DTWD2: variants seen among roughly 807,000 people sequenced by gnomAD.
The protein encoded by DTWD2 is tRNA-uridine aminocarboxypropyltransferase 2.
DTWD2 carries 39 observed loss-of-function variants against 31.8 expected under a neutral mutation model. The observed-to-expected ratio is 1.22, with a 90% confidence interval of 0.95 to 1.60. The LOEUF is 1.60. Ranked by LOEUF, DTWD2 falls within the 40% of genes most tolerant of loss-of-function variation. The pLI is 0.00. For missense variants in DTWD2, 515 were observed against 381.5 expected, an observed-to-expected ratio of 1.35 and a Z score of -2.92; for synonymous variants, 180 against 142.8, an observed-to-expected ratio of 1.26 and a Z score of -1.86.
intron 1 of DTWD2, chr5:118,974,110 C>G (rs551872467): frequency 8.2e-6 from 13 of 1,589,764 alleles, no homozygotes; most frequent in African/African-American, 1.3e-5. Flanking sequence ...AGCAGAAGAC[C>G]GACGAGGATG....
chr5:118,926,990 C>T (rs1442318772), intron 4 of DTWD2, among the ~76,000 whole-genome samples: 7 of 152,206 alleles, frequency 4.6e-5, no homozygotes, highest in Admixed American at 4.6e-4. Context: ...TGCATGGTCA[C>T]GGTCCTGGTG....
At chr5:118,948,589 G>GGTCAGGT (rs1754391480) in intron 1 of DTWD2, among the ~76,000 whole-genome samples, 1 of 152,174 alleles carries the variant, frequency 6.6e-6, no homozygotes, top group Admixed American at 6.5e-5. Context: ...CGGTCATGGG[G>GGTCAGGT]GTCAGGTGTG....
chr5:118,865,404 T>C (rs1394474403), intron 4 of DTWD2, among the ~76,000 whole-genome samples: 3 of 152,116 alleles, frequency 2.0e-5, no homozygotes, highest in Admixed American at 6.6e-5. Context: ...CTTCAGTTCG[T>C]TCCTAAATAT....
At chr5:118,846,636 T>C (rs1751858821) in intron 5 of DTWD2, among the ~76,000 whole-genome samples, 1 of 152,124 alleles carries the variant, frequency 6.6e-6, no homozygotes. Context: ...GGTTACATAA[T>C]TCTATTAAGA....
intron 1 of DTWD2, among the ~76,000 whole-genome samples, chr5:118,967,197 C>A (rs946648575): frequency 1.3e-5 from 2 of 151,908 alleles, no homozygotes; most frequent in Non-Finnish European, 2.9e-5. Context: ...AAGAAATAAA[C>A]TACAATTAGA....
chr5:118,891,181 G>T (rs1752970832), intron 4 of DTWD2, among the ~76,000 whole-genome samples: 1 of 150,866 alleles, frequency 6.6e-6, no homozygotes, highest in African/African-American at 2.4e-5. Context: ...AAATCCATAA[G>T]AAAATTATCC....
At chr5:118,974,847 TG>T (rs1755111306) in intron 1 of DTWD2, among the ~76,000 whole-genome samples, 1 of 152,238 alleles carries the variant, frequency 6.6e-6, no homozygotes, top group Admixed American at 6.5e-5. Context: ...TGTTGAATAT[TG>T]GCCCCCACTC....
chr5:118,920,403 A>G (rs2149574960), intron 4 of DTWD2, among the ~76,000 whole-genome samples: 1 of 152,224 alleles, frequency 6.6e-6, no homozygotes, highest in East Asian at 1.9e-4. Context: ...TTGGAAGCAA[A>G]CACAACGTAC....
chr5:118,935,175 G>C (rs997030029), intron 3 of DTWD2, among the ~76,000 whole-genome samples: 2 of 152,184 alleles, frequency 1.3e-5, no homozygotes, highest in Non-Finnish European at 2.9e-5. Context: ...CTGGAGGGTA[G>C]TGCACCAGGG....
chr5:118,954,421 T>C (rs1754539434), intron 1 of DTWD2, among the ~76,000 whole-genome samples: 1 of 152,232 alleles, frequency 6.6e-6, no homozygotes, highest in Admixed American at 6.5e-5. Context: ...AAATGTAAGC[T>C]ACAGGGAGGC....
intron 1 of DTWD2, among the ~76,000 whole-genome samples, chr5:118,975,099 G>A (rs1194357329): frequency 1.3e-5 from 2 of 152,274 alleles, no homozygotes; most frequent in South Asian, 4.1e-4. Context: ...AGTTCTCCTG[G>A]ATAATATCCT....
chr5:118,842,518 T>A (rs113075860), intron 5 of DTWD2, among the ~76,000 whole-genome samples: 2,491 of 152,270 alleles, frequency 0.016, 22 homozygotes, highest in Non-Finnish European at 0.026. Flanking sequence ...TGTCCCTGAA[T>A]TCTTTTTCAA....
chr5:118,845,038 T>C lies in DTWD2; in HGVS notation c.726+3052A>G, dbSNP rs553695632. ...GGTATGCACCTGTAGTCCCAGCTAC[T>C]TGGGAGGCTGAGGTGGGAGGATCAC... is the stretch of plus-strand genomic sequence containing the variant. On this transcript the variant is annotated intron_variant, in intron 5 of 5. Transcript: ENST00000510708. Among the ~76,000 whole-genome samples the C allele has an allele frequency of 2.6e-5, 4 of 152,136 alleles. No homozygotes were observed. In the East Asian group the frequency reaches 7.7e-4, roughly 29 times the overall value.
At chr5:118,964,903 C>T (rs1194799327) in intron 1 of DTWD2, among the ~76,000 whole-genome samples, 3 of 151,980 alleles carry the variant, frequency 2.0e-5, no homozygotes, top group Non-Finnish European at 4.4e-5. Context: ...GGCCGCCCAT[C>T]GTCTGGGATG....
chr5:118,889,700 T>C (rs907108603), intron 4 of DTWD2, among the ~76,000 whole-genome samples: 4 of 152,170 alleles, frequency 2.6e-5, no homozygotes, highest in African/African-American at 7.2e-5. Flanking sequence ...CATGTAAATA[T>C]ATTACTTTTA....
intron 5 of DTWD2, among the ~76,000 whole-genome samples, chr5:118,846,690 T>C (rs1413319118): frequency 6.6e-6 from 1 of 152,028 alleles, no homozygotes; most frequent in Non-Finnish European, 1.5e-5. Context: ...CTTAAGAATA[T>C]ACAGAGATGA....
intron 4 of DTWD2, among the ~76,000 whole-genome samples, chr5:118,925,678 T>C (rs972862916): frequency 4.0e-5 from 6 of 151,508 alleles, no homozygotes; most frequent in Non-Finnish European, 7.4e-5. Flanking sequence ...ACCCTGTCTC[T>C]ACTAAAAATA....
chr5:118,837,396 T>TA lies in DTWD2; in HGVS notation c.*3520dup, dbSNP rs1228485505. ...AAAGAAATACATCTACATAGTAAAA[T>TA]ACAGTTTTGTAAAACTTTTGAGTTT... On this transcript the variant is annotated 3_prime_UTR_variant, in exon 6 of 6. Transcript: ENST00000510708. The TA allele has an allele frequency of 8.5e-5, 13 of 152,180 alleles. No individual in the cohort carries two copies. The highest frequency in any genetic ancestry group is 3.1e-4 in the African/African-American group (13 of 41,442). 9.4% of individuals were successfully genotyped at this position (152,180 alleles called of 1,614,324 possible). A position where few individuals can be genotyped will look rare whatever the true frequency, so the allele number is the denominator to read the frequency against.
chr5:118,875,356 C>T (rs1374634071), intron 4 of DTWD2, among the ~76,000 whole-genome samples: 1 of 152,006 alleles, frequency 6.6e-6, no homozygotes, highest in Non-Finnish European at 1.5e-5. Flanking sequence ...TATATCAATA[C>T]TATCCTTAAA....
Sources: allele counts gnomAD v4.1 joint callset (sites outside exome capture counted in the v4.1 genomes callset), GRCh38; gene constraint gnomAD v4.1.1; transcripts MANE v1.5; gene names NCBI Gene and HGNC (gene_info 2026-07-23, HGNC 2026-07-21).